Variants in VPS26C observed in about 807,000 individuals in gnomAD.
VPS26C encodes the protein VPS26 endosomal protein sorting factor C.
VPS26C carries 19 observed loss-of-function variants against 30.6 expected under a neutral mutation model. The observed-to-expected ratio is 0.62, with a 90% CI of 0.43 to 0.91. The LOEUF (loss-of-function observed/expected upper bound fraction) is 0.91. VPS26C is among the 40% of genes least tolerant of loss of function. The pLI, the probability that VPS26C is intolerant of heterozygous loss-of-function variation, is 0.00. For synonymous variants in VPS26C, 132 were observed against 151.5 expected, an observed-to-expected ratio of 0.87 and a Z score of 0.95; for missense variants, 318 against 385.1, an observed-to-expected ratio of 0.83 and a Z score of 1.46.
chr21:37,225,914 T>G (rs530792400), intron 7 of VPS26C: 7 of 466,442 alleles, frequency 1.5e-5, no homozygotes, highest in Non-Finnish European at 2.4e-5. Flanking sequence ...CCTGTCCCTT[T>G]GCTTTCCTAA....
Position 37,225,152 on chromosome 21 carries a change from G to A in VPS26C, c.*392C>T, listed in dbSNP as rs1017449281. 4.4e-6 allele frequency: 1 copy of A among 227,018 alleles called. No homozygotes were observed. Among genetic ancestry groups the A allele is most frequent in the Admixed American group, 4.8e-5 (1 of 20,798 alleles). 14.1% of individuals were successfully genotyped at this position (227,018 alleles called of 1,614,324 possible). The stretch of plus-strand genomic sequence containing the variant: ...AGACCCTTTGCTATGGGGAGTCCCT[G>A]GCTACATCCATTAGCAAGTCAGAGG... On this transcript the variant is annotated 3_prime_UTR_variant, in exon 8 of 8. Coordinates refer to ENST00000309117, the MANE Select transcript of VPS26C (RefSeq NM_006052.2).
intron 5 of VPS26C, chr21:37,230,649 C>T (rs534641599): frequency 6.6e-6 from 1 of 152,398 alleles, no homozygotes; most frequent in Admixed American, 6.5e-5. Flanking sequence ...AGAAAAGCCA[C>T]AAGGAACGCC....
chr21:37,246,603 T>C (rs981554310), intron 1 of VPS26C, among the ~76,000 whole-genome samples: 1 of 152,178 alleles, frequency 6.6e-6, no homozygotes, highest in Non-Finnish European at 1.5e-5. Flanking sequence ...TAAGTGATGA[T>C]TATAATGAAA....
intron 1 of VPS26C, among the ~76,000 whole-genome samples, chr21:37,249,662 T>C (rs1212428575): frequency 6.6e-6 from 1 of 152,204 alleles, no homozygotes; most frequent in African/African-American, 2.4e-5. Context: ...CAACCTAATC[T>C]TAAAAGAAAA....
chr21:37,267,629 G>C, upstream of VPS26C: 2 of 329,284 alleles, frequency 6.1e-6, no homozygotes, highest in Non-Finnish European at 1.1e-5. Flanking sequence ...CCGGGTTAGC[G>C]GAGGGAGGGA....
intron 1 of VPS26C, among the ~76,000 whole-genome samples, chr21:37,243,865 C>A (rs1183067050): frequency 6.6e-6 from 1 of 152,208 alleles, no homozygotes; most frequent in South Asian, 2.1e-4. Flanking sequence ...CCTTAACAAC[C>A]TACTTGTAAC....
At chr21:37,262,193 A>G (rs760848185) in intron 1 of VPS26C, among the ~76,000 whole-genome samples, 11 of 152,228 alleles carry the variant, frequency 7.2e-5, no homozygotes, top group South Asian at 2.1e-4. Context: ...CACCTGGTCA[A>G]CCAAGTAAAA....
intron 3 of VPS26C, among the ~76,000 whole-genome samples, chr21:37,236,967 G>T (rs1468668975): frequency 1.3e-5 from 2 of 152,196 alleles, no homozygotes; most frequent in Non-Finnish European, 2.9e-5. Flanking sequence ...CTTTTGTAGA[G>T]ATGAGATCTT....
intron 1 of VPS26C, among the ~76,000 whole-genome samples, chr21:37,258,662 G>A (rs1048604485): frequency 3.3e-5 from 5 of 152,200 alleles, no homozygotes; most frequent in Non-Finnish European, 7.3e-5. Context: ...TAACGGAGGC[G>A]AGTCTGCACC....
At chr21:37,230,206 G>T (rs1197706791) in intron 5 of VPS26C, among the ~76,000 whole-genome samples, 3 of 152,116 alleles carry the variant, frequency 2.0e-5, no homozygotes, top group Non-Finnish European at 4.4e-5. Flanking sequence ...AGCTATTTGT[G>T]TAGAAAAACA....
At chr21:37,228,072 C>G in intron 6 of VPS26C, 151 bp downstream of exon 6, 1 of 1,238,462 alleles carries the variant, frequency 8.1e-7, no homozygotes, top group South Asian at 1.4e-5. Flanking sequence ...ACTGCAGCCT[C>G]AAACCACCCT....
chr21:37,262,640 C>T lies in VPS26C; in HGVS notation c.57+4598G>A, dbSNP rs73220535. 1.0e-3 allele frequency among the ~76,000 whole-genome samples: 153 copies of T among 152,254 alleles called. 2 individuals carry two copies. Among genetic ancestry groups the T allele is most frequent in the Admixed American group, 2.9e-3 (44 of 15,282 alleles). On this transcript the variant is annotated intron_variant, in intron 1 of 7. Coordinates refer to ENST00000309117, the MANE Select transcript of VPS26C (RefSeq NM_006052.2). ...GGTACATTATTAAGAGAACAAGTTG[C>T]GTGTGTGTGCACACGTGTGTCTGGA...
intron 1 of VPS26C, among the ~76,000 whole-genome samples, chr21:37,264,807 G>A (rs1412891871): frequency 6.6e-6 from 1 of 152,264 alleles, no homozygotes; most frequent in East Asian, 1.9e-4. Flanking sequence ...CAAGAGAAAT[G>A]AAAACATCCT....
rs1425467966 is a variant in VPS26C, at chr21:37,233,766, C to T, written c.352-324G>A. ...GGCTGGCGAGACAGAAAGGGCAGTG[C>T]GCTCAGGAGCAGACGCCAGGCCAGA... On this transcript the variant is annotated intron_variant, in intron 3 of 7. Coordinates refer to ENST00000309117, the MANE Select transcript of VPS26C (RefSeq NM_006052.2). This position sits in a 1 kb window ranked among gnomAD's most constrained non-coding sequence, Gnocchi z 5.2. 4.6e-5 allele frequency among the ~76,000 whole-genome samples: 7 copies of T among 152,300 alleles called. No individual in the cohort carries two copies. Among genetic ancestry groups the T allele is most frequent in the Middle Eastern group, 3.4e-3 (1 of 294 alleles).
rs367645355 is a variant in VPS26C, at chr21:37,225,641, G to C, written c.812-15C>G. On this transcript the variant is annotated splice_polypyrimidine_tract_variant and intron_variant, in intron 7 of 7. Transcript: ENST00000309117. ...AACCTCAAATTCTGAGAAGAGAAGA[G>C]AGGGTGGGTTTGTGCTCACTGTTAC... 3.9e-5 allele frequency: 63 copies of C among 1,609,740 alleles called. No individual in the cohort carries two copies. The East Asian group carries it at 1.0e-3, about 26-fold the overall frequency.
chr21:37,233,581 C>T lies in VPS26C; in HGVS notation c.352-139G>A. ...CAGTGCATTATAGAAAATTAACATACATAATATAATACATAATAGGATAGT... is the reference window on the plus strand; with the variant it reads ...CAGTGCATTATAGAAAATTAACATATATAATATAATACATAATAGGATAGT... On this transcript the variant is annotated intron_variant, in intron 3 of 7. Transcript: ENST00000309117. This position sits in a 1 kb window ranked among gnomAD's most constrained non-coding sequence, Gnocchi z 5.2. 1 of 630,690 alleles carries T rather than the reference C, an allele frequency of 1.6e-6. No homozygotes were observed. The highest frequency in any genetic ancestry group is 1.9e-5 in the South Asian group (1 of 53,320). The allele number at this position is 630,690 out of a possible 1,614,324, so 39.1% of individuals were successfully genotyped here.
rs373126930 is a variant in VPS26C, at chr21:37,267,334, T to G, written c.-40A>C. ...AGCAGCCGCCACTTCCGGCTGCGCG[T>G]GACCCCAGGGAAACAAGGGGCGCCT... On this transcript the variant is annotated 5_prime_UTR_variant, in exon 1 of 8. Coordinates refer to ENST00000309117, the MANE Select transcript of VPS26C (RefSeq NM_006052.2). The G allele has an allele frequency of 1.3e-6, 2 of 1,594,144 alleles. No individual in the cohort carries two copies. Among genetic ancestry groups the G allele is most frequent in the Non-Finnish European group, 1.7e-6 (2 of 1,162,566 alleles).
chr21:37,227,335 C>A (rs1024095877), intron 7 of VPS26C: 6 of 294,430 alleles, frequency 2.0e-5, no homozygotes, highest in African/African-American at 1.1e-4. Context: ...CGTCACCTGC[C>A]CATGTCTACA....
At chr21:37,254,229 T>C (rs1466644910) in intron 1 of VPS26C, among the ~76,000 whole-genome samples, 1 of 152,162 alleles carries the variant, frequency 6.6e-6, no homozygotes, top group East Asian at 1.9e-4. Flanking sequence ...TGAATCACGA[T>C]AGTGCAGCAT....
Sources: gnomAD v4.1 joint callset for allele counts (sites outside exome capture counted in the v4.1 genomes callset) on GRCh38, gnomAD v4.1.1 for gene constraint, Gnocchi (gnomAD v3.1) non-coding constraint, MANE v1.5 for transcripts, NCBI Gene and HGNC (gene_info 2026-07-23, HGNC 2026-07-21) for gene names.